MMP26: variants seen among roughly 807,000 people sequenced by gnomAD.
MMP26 encodes the protein matrix metallopeptidase 26.
MMP26 carries 33 observed loss-of-function variants against 31.0 expected under a neutral mutation model. The observed-to-expected ratio is 1.06, with a 90% CI of 0.81 to 1.42. MMP26 has a LOEUF of 1.42. Ranked by LOEUF, MMP26 falls within the 40% of genes most tolerant of loss-of-function variation. MMP26 has a pLI of 0.00. For missense variants in MMP26, 347 were observed against 316.1 expected, an observed-to-expected ratio of 1.10 and a Z score of -0.74; for synonymous variants, 122 against 114.9, an observed-to-expected ratio of 1.06 and a Z score of -0.40.
chr11:4,889,907 C>T (rs1165597523), intron 2 of MMP26: 1 of 156,442 alleles, frequency 6.4e-6, no homozygotes, highest in African/African-American at 2.4e-5. Context: ...AATGAACACA[C>T]TTTCTGACAT....
intron 2 of MMP26, among the ~76,000 whole-genome samples, chr11:4,924,543 G>A (rs1351417250): frequency 1.3e-5 from 2 of 152,266 alleles, no homozygotes; most frequent in African/African-American, 2.4e-5. Flanking sequence ...GGATGAGGAG[G>A]CAAATAATAG....
intron 2 of MMP26, among the ~76,000 whole-genome samples, chr11:4,959,929 C>A (rs1488536151): frequency 6.6e-6 from 1 of 152,028 alleles, no homozygotes; most frequent in Non-Finnish European, 1.5e-5. Context: ...TTTAGACTCA[C>A]AATCCATAAA....
chr11:4,898,831 CTGTGTGTGTG>C lies in MMP26; in HGVS notation c.-144-89201_-144-89192del, dbSNP rs1157500335. Among the ~76,000 whole-genome samples the C allele has an allele frequency of 8.0e-3, 750 of 94,230 alleles. 8 individuals carry two copies. Among genetic ancestry groups the C allele is most frequent in the East Asian group, 0.028 (21 of 762 alleles). 61.8% of individuals were successfully genotyped at this position (94,230 alleles called of 152,430 possible). ...GAAATCTCTCTCTCTCTCTCTCTCT[CTGTGTGTGTG>C]TGTGTGTGTGTGTGTGTGTGTGTGT... On this transcript the variant is annotated intron_variant, in intron 2 of 7. Coordinates refer to ENST00000380390, the MANE Select transcript of MMP26 (RefSeq NM_021801.5).
intron 2 of MMP26, among the ~76,000 whole-genome samples, chr11:4,824,593 C>G (rs1239928861): frequency 6.6e-6 from 1 of 152,086 alleles, no homozygotes; most frequent in African/African-American, 2.4e-5. Flanking sequence ...GAAGACATTT[C>G]TCTTCCCTCA....
chr11:4,717,083 C>CT (rs1847944065), intron 1 of MMP26, among the ~76,000 whole-genome samples: 1 of 152,108 alleles, frequency 6.6e-6, no homozygotes. Flanking sequence ...TGATGATTTT[C>CT]ACTTATCAGC....
rs543030803 is a variant in MMP26 at position 4,921,820 on chromosome 11, T to G, written c.-144-66248T>G. On this transcript the variant is annotated intron_variant, in intron 2 of 7. Transcript: ENST00000380390. ...GCTCTAAAATAGATCTTTATTAATT[T>G]TTAAAAAGTTTTATTAAAAGTTATT... 9.2e-5 allele frequency among the ~76,000 whole-genome samples: 14 copies of G among 152,324 alleles called. No individual in the cohort carries two copies. The South Asian group carries it at 1.4e-3, about 16-fold the overall frequency.
At chr11:4,914,073 C>T (rs376012911) in intron 2 of MMP26, 2 of 152,240 alleles carry the variant, frequency 1.3e-5, no homozygotes, top group African/African-American at 4.8e-5. Flanking sequence ...AGTCAGAGAA[C>T]AATTGATTGC....
chr11:4,866,665 G>A lies in MMP26; in HGVS notation c.-145+99324G>A, dbSNP rs553871462. Among the ~76,000 whole-genome samples, 7 of 152,110 alleles carry A rather than the reference G, an allele frequency of 4.6e-5. No homozygotes were observed. In the East Asian group the frequency reaches 5.8e-4, roughly 13 times the overall value. On this transcript the variant is annotated intron_variant, in intron 2 of 7. Transcript: ENST00000380390. ...AAAAGAGCAAAATTGGAGGCATTAC[G>A]CCACCTGACTTCAAACTATATTACA...
At chr11:4,804,668 G>T (rs1156783603) in intron 2 of MMP26, 1 of 489,362 alleles carries the variant, frequency 2.0e-6, no homozygotes, top group Non-Finnish European at 4.0e-6. Flanking sequence ...TTCTTGACCA[G>T]GTGTGGTGGC....
chr11:4,932,272 T>C (rs1444695620), intron 2 of MMP26, among the ~76,000 whole-genome samples: 1 of 152,150 alleles, frequency 6.6e-6, no homozygotes, highest in African/African-American at 2.4e-5. Context: ...TATGTATCAA[T>C]TGCCCCATCA....
At chr11:4,728,824 C>T (rs966978497) in intron 1 of MMP26, among the ~76,000 whole-genome samples, 1 of 152,036 alleles carries the variant, frequency 6.6e-6, no homozygotes, top group Non-Finnish European at 1.5e-5. Context: ...CAAACATACA[C>T]ACAGAGCACA....
intron 2 of MMP26, among the ~76,000 whole-genome samples, chr11:4,892,085 G>A (rs1384761302): frequency 6.6e-6 from 1 of 152,040 alleles, no homozygotes; most frequent in Non-Finnish European, 1.5e-5. Flanking sequence ...TTATTGAGAG[G>A]CTAGGGCACT....
chr11:4,946,589 C>A, intron 2 of MMP26: 3 of 1,567,782 alleles, frequency 1.9e-6, no homozygotes, highest in Non-Finnish European at 2.6e-6. Flanking sequence ...GTTTTTCTTG[C>A]AATATCTCAA....
At chr11:4,851,316 C>T (rs1176219236) in intron 2 of MMP26, among the ~76,000 whole-genome samples, 1 of 152,176 alleles carries the variant, frequency 6.6e-6, no homozygotes, top group East Asian at 1.9e-4. Context: ...GTTAGCACGG[C>T]AATTTTGGTG....
At chr11:4,918,696 T>C (rs1038338368) in intron 2 of MMP26, among the ~76,000 whole-genome samples, 1 of 152,164 alleles carries the variant, frequency 6.6e-6, no homozygotes, top group African/African-American at 2.4e-5. Context: ...CAAGATAGAC[T>C]TAATCCATGG....
intron 2 of MMP26, among the ~76,000 whole-genome samples, chr11:4,812,824 G>A (rs578035958): frequency 1.3e-5 from 2 of 152,160 alleles, no homozygotes; most frequent in African/African-American, 4.8e-5. Flanking sequence ...GAGACATATA[G>A]CCTTCTTTCT....
At chr11:4,801,485 G>A (rs764785632) in intron 2 of MMP26, among the ~76,000 whole-genome samples, 1 of 151,520 alleles carries the variant, frequency 6.6e-6, no homozygotes, top group Non-Finnish European at 1.5e-5. Flanking sequence ...AGAGAAGGGG[G>A]AGGGGGAGGT....
intron 2 of MMP26, among the ~76,000 whole-genome samples, chr11:4,897,068 A>G (rs138207165): frequency 0.013 from 1,987 of 152,094 alleles, 32 homozygotes; most frequent in African/African-American, 0.034. Context: ...CCCTTTACTC[A>G]TGACCTATCC....
intron 2 of MMP26, among the ~76,000 whole-genome samples, chr11:4,929,497 C>T (rs1367966942): frequency 1.3e-5 from 2 of 152,112 alleles, no homozygotes; most frequent in Non-Finnish European, 2.9e-5. Flanking sequence ...TTCTTCAGAA[C>T]ACTGTATATA....
Sources: gnomAD v4.1 joint callset for allele counts (sites outside exome capture counted in the v4.1 genomes callset) on GRCh38, gnomAD v4.1.1 for gene constraint, MANE v1.5 for transcripts, NCBI Gene and HGNC (gene_info 2026-07-23, HGNC 2026-07-21) for gene names.